NAE1: variants seen among roughly 807,000 people sequenced by gnomAD.
The protein encoded by NAE1 is NEDD8-activating enzyme E1 regulatory subunit.
Under a neutral mutation model 88.0 loss-of-function variants are expected in NAE1, and 59 were observed. The observed-to-expected ratio is 0.67, with a 90% CI of 0.54 to 0.83. NAE1 has a LOEUF of 0.83. Ranked by LOEUF, NAE1 falls within the 40% of genes least tolerant of loss-of-function variation. The pLI is 0.00. For synonymous variants in NAE1, 186 were observed against 208.9 expected, an observed-to-expected ratio of 0.89 and a Z score of 0.95; for missense variants, 554 against 632.8, an observed-to-expected ratio of 0.88 and a Z score of 1.34.
chr16:66,826,341 T>G (rs1266700958), intron 3 of NAE1, 182 bp downstream of exon 3: 5 of 598,908 alleles, frequency 8.3e-6, no homozygotes. Context: ...TAACATTTAT[T>G]AATGCCCTAT....
Position 66,826,534 on chromosome 16 carries a change from ATCT to A in NAE1, c.204_206del (p.Glu68del). On this transcript the variant is annotated inframe_deletion, in exon 3 of 20. Transcript: ENST00000290810. ...AGAATAGAACATACTTGTTTCCAGC[ATCT>A]TCTCCGCTGACCTGATTTCCATCAA... 6.2e-7 allele frequency: 1 copy of A among 1,614,138 alleles called. No homozygotes were observed. The highest frequency in any genetic ancestry group is 8.5e-7 in the Non-Finnish European group (1 of 1,180,032).
rs759626496 is a variant in NAE1, at chr16:66,830,911, C to G, written c.-12G>C. 6.5e-7 allele frequency: 1 copy of G among 1,532,156 alleles called. No homozygotes were observed. Among genetic ancestry groups the G allele is most frequent in the Non-Finnish European group, 8.7e-7 (1 of 1,148,256 alleles). The allele number at this position is 1,532,156 out of a possible 1,614,324, so 94.9% of individuals were successfully genotyped here. A position where few individuals can be genotyped will look rare whatever the true frequency, so the allele number is the denominator to read the frequency against. Reference sequence around the variant, plus strand: ...CCCAGCTGCGCCATGGCCGCGCCTGCCGCGCGGAAAACAGCCGAGCCCCTG... The same window carrying G: ...CCCAGCTGCGCCATGGCCGCGCCTGGCGCGCGGAAAACAGCCGAGCCCCTG... On this transcript the variant is annotated 5_prime_UTR_variant, in exon 1 of 20. Coordinates refer to ENST00000290810, the MANE Select transcript of NAE1 (RefSeq NM_003905.4).
chr16:66,823,717 T>C (rs1022292265), intron 4 of NAE1, 117 bp from the exon 5 acceptor site: 4 of 747,008 alleles, frequency 5.4e-6, no homozygotes, highest in Non-Finnish European at 8.5e-6. Context: ...TGCATAAGTA[T>C]GACAACTCTG....
intron 11 of NAE1, 35 bp downstream of exon 11, chr16:66,816,546 T>C: frequency 7.1e-7 from 1 of 1,412,464 alleles, no homozygotes; most frequent in South Asian, 1.2e-5. Flanking sequence ...GAAAACATCT[T>C]GTTCATGTGA....
chr16:66,828,080 AG>A (rs1289973628), intron 1 of NAE1: 16 of 1,609,134 alleles, frequency 9.9e-6, no homozygotes, highest in Non-Finnish European at 1.4e-5. Context: ...GGAATCGCCT[AG>A]AAGAACCAGA....
At chr16:66,808,446 A>T in intron 17 of NAE1, 75 bp downstream of exon 17, 1 of 1,018,410 alleles carries the variant, frequency 9.8e-7, no homozygotes, top group South Asian at 1.5e-5. Context: ...TATTATAAAT[A>T]CCCTGAGAAC....
At chr16:66,818,725 A>C (rs1960148168) in intron 7 of NAE1, 88 bp from the exon 8 acceptor site, 1 of 1,438,064 alleles carries the variant, frequency 7.0e-7, no homozygotes, top group African/African-American at 1.5e-5. Context: ...CCCAGGCTGA[A>C]GTACAGTGGC....
intron 17 of NAE1, among the ~76,000 whole-genome samples, chr16:66,806,839 G>A (rs919497573): frequency 1.3e-5 from 2 of 152,172 alleles, no homozygotes; most frequent in East Asian, 3.8e-4. Context: ...TCCATTTATA[G>A]AAGAGAAAAC....
intron 11 of NAE1, among the ~76,000 whole-genome samples, chr16:66,814,702 T>C (rs544023632): frequency 1.3e-5 from 2 of 152,122 alleles, no homozygotes; most frequent in Non-Finnish European, 2.9e-5. Context: ...CTGCTCTCTC[T>C]GCTTCCACTC....
In NAE1 at chr16:66,805,729, AACTGT is replaced by A. The variant is rs746799201; in HGVS notation, c.1495+43_1495+47del. On this transcript the variant is annotated intron_variant, in intron 19 of 19. Coordinates refer to ENST00000290810, the MANE Select transcript of NAE1 (RefSeq NM_003905.4). ...CGACAAAACTTTGTATTAAAATAGT[AACTGT>A]ACTATGTAACAACAGGTGAGTCTTC... 3 of 1,353,328 alleles carry A rather than the reference AACTGT, an allele frequency of 2.2e-6. No homozygotes were observed. The African/African-American group carries it at 4.5e-5, about 20-fold the overall frequency. The allele number at this position is 1,353,328 out of a possible 1,614,324, so 83.8% of individuals were successfully genotyped here.
chr16:66,830,829 C>T lies in NAE1; in HGVS notation c.53+18G>A. On this transcript the variant is annotated intron_variant, in intron 1 of 19. Transcript: ENST00000290810. ...AAAGCCCGCCGGCCCGCCCTCGGCT[C>T]GGTGAGCCTCGGCTCACCTCAGCTG... The T allele has an allele frequency of 1.3e-6, 2 of 1,510,296 alleles. No individual in the cohort carries two copies. Among genetic ancestry groups the T allele is most frequent in the Non-Finnish European group, 1.8e-6 (2 of 1,136,254 alleles). 93.6% of individuals were successfully genotyped at this position (1,510,296 alleles called of 1,614,324 possible).
chr16:66,812,088 C>T (rs542273470), intron 13 of NAE1, among the ~76,000 whole-genome samples: 1 of 152,132 alleles, frequency 6.6e-6, no homozygotes, highest in Admixed American at 6.5e-5. Flanking sequence ...TAGTCATAGA[C>T]TATAACTTAT....
chr16:66,816,863 T>TGCTGA, intron 10 of NAE1, 102 bp downstream of exon 10: 1 of 1,511,294 alleles, frequency 6.6e-7, no homozygotes, highest in African/African-American at 1.4e-5. Context: ...AAGCTCATGA[T>TGCTGA]GCTATCATCT....
Position 66,802,992 on chromosome 16 carries a change from T to A in NAE1, c.*17A>T, listed in dbSNP as rs751645410. 1.6e-5 allele frequency: 24 copies of A among 1,472,460 alleles called. No individual in the cohort carries two copies. The highest frequency in any genetic ancestry group is 3.4e-5 in the South Asian group (3 of 88,088). The allele number at this position is 1,472,460 out of a possible 1,614,324, so 91.2% of individuals were successfully genotyped here. A position where few individuals can be genotyped will look rare whatever the true frequency, so the allele number is the denominator to read the frequency against. On this transcript the variant is annotated 3_prime_UTR_variant, in exon 20 of 20. Coordinates refer to ENST00000290810, the MANE Select transcript of NAE1 (RefSeq NM_003905.4). ...CAGTTTCAATCATTAACACACTACT[T>A]AAGGTGCTTGCTTACTCTACAACTG... is the stretch of plus-strand genomic sequence containing the variant.
At position 66,818,556 on chromosome 16, in the gene NAE1, G is replaced by T; in HGVS notation, c.593C>A (p.Ser198Tyr). Residue 198 changes from serine to tyrosine, a missense_variant, in exon 8 of 20, where the codon TCC (serine) becomes TAC (tyrosine). By Grantham distance (144) the Ser-to-Tyr change is moderately radical. Coordinates refer to ENST00000290810, the MANE Select transcript of NAE1 (RefSeq NM_003905.4). ...PFPELREHFQ[S>Y]YDLDHMEKKD... ...TTTTTCCATATGATCCAAATCATAG[G>T]ACTGAAAATGTTCTCTCAGTTCAGG... 6.2e-7 allele frequency: 1 copy of T among 1,612,652 alleles called. No homozygotes were observed. The highest frequency in any genetic ancestry group is 8.5e-7 in the Non-Finnish European group (1 of 1,179,422).
chr16:66,829,837 G>C (rs1389146976), intron 1 of NAE1, among the ~76,000 whole-genome samples: 2 of 152,254 alleles, frequency 1.3e-5, no homozygotes, highest in African/African-American at 4.8e-5. Flanking sequence ...AATGAGGCTA[G>C]TGTTAACTGA....
In NAE1 at chr16:66,813,799, A is replaced by G. The variant is rs1228767311; in HGVS notation, c.888T>C (p.Asn296=). 1 of 1,613,772 alleles carries G rather than the reference A, an allele frequency of 6.2e-7. No homozygotes were observed. Residue 296 remains asparagine (N), a synonymous_variant, in exon 12 of 20, where the codon AAT becomes AAC. Transcript: ENST00000290810. The stretch of plus-strand genomic sequence containing the variant: ...TTGTTGTTGTTACCTGTTTGGTGAT[A>G]TTTATGCAGCGATCATCATTAAATA... ...EDIFNDDRCI[N]ITKQTPSFWI... is the part of the protein sequence containing the mutation.
At chr16:66,808,328 G>A (rs543116587) in intron 17 of NAE1, among the ~76,000 whole-genome samples, 193 bp downstream of exon 17, 1 of 152,268 alleles carries the variant, frequency 6.6e-6, no homozygotes, top group East Asian at 1.9e-4. Flanking sequence ...TAATAGTTTA[G>A]AATCGAACAC....
At chr16:66,814,878 CCT>C (rs1046687469) in intron 11 of NAE1, among the ~76,000 whole-genome samples, 2 of 152,128 alleles carry the variant, frequency 1.3e-5, no homozygotes, top group East Asian at 1.9e-4. Context: ...CACTTTTCCC[CCT>C]TTTACACTTC....
Sources: allele counts gnomAD v4.1 joint callset (sites outside exome capture counted in the v4.1 genomes callset), GRCh38; gene constraint gnomAD v4.1.1; transcripts MANE v1.5; gene names NCBI Gene and HGNC (gene_info 2026-07-23, HGNC 2026-07-21).